SYNE2: variants seen among roughly 807,000 people sequenced by gnomAD.
SYNE2 encodes the protein spectrin repeat containing nuclear envelope protein 2, also known as nesprin-2.
In SYNE2, 431 loss-of-function variants were observed where a neutral mutation model predicts 856.3. The ratio of observed to expected loss-of-function variants is 0.50; its 90% CI spans 0.47 to 0.55. The LOEUF (loss-of-function observed/expected upper bound fraction) is 0.55. SYNE2 is among the 20% of genes least tolerant of loss of function. The probability of loss-of-function intolerance (pLI) is 0.00; values close to 1 mark genes in which losing one functional copy is unlikely to be tolerated. For synonymous variants in SYNE2, 2,923 were observed against 2,872.3 expected, an observed-to-expected ratio of 1.02 and a Z score of -0.56; for missense variants, 8,129 against 8,023.2, an observed-to-expected ratio of 1.01 and a Z score of -0.50.
intron 45 of SYNE2, among the ~76,000 whole-genome samples, chr14:64,043,403 C>G (rs111990654): frequency 6.6e-6 from 1 of 152,058 alleles, no homozygotes; most frequent in African/African-American, 2.4e-5. Flanking sequence ...AGTAACAAGC[C>G]GAATGTTAAT....
At position 64,216,236 on chromosome 14, in the gene SYNE2, CTTTCG is replaced by C. The variant is rs2098665911; in HGVS notation, c.19403-7_19403-3del. ...GAGAGAATAGACTGTCGCTTGCTGT[CTTTCG>C]TTTCAGGTAAATCCATTTCGGATGG... is the stretch of plus-strand genomic sequence containing the variant. On this transcript the variant is annotated splice_polypyrimidine_tract_variant and splice_region_variant and intron_variant, in intron 107 of 115. Transcript: ENST00000555002. The C allele has an allele frequency of 6.2e-7, 1 of 1,614,110 alleles. No homozygotes were observed. The highest frequency in any genetic ancestry group is 8.5e-7 in the Non-Finnish European group (1 of 1,180,040).
At chr14:63,918,778 C>T in intron 2 of SYNE2, among the ~76,000 whole-genome samples, 1 of 152,176 alleles carries the variant, frequency 6.6e-6, no homozygotes, top group East Asian at 1.9e-4. Flanking sequence ...TGCACAATTT[C>T]ATCAGTGGTG....
At chr14:63,960,369 T>C (rs1477997498) in intron 8 of SYNE2, among the ~76,000 whole-genome samples, 2 of 152,138 alleles carry the variant, frequency 1.3e-5, no homozygotes, top group Admixed American at 1.3e-4. Flanking sequence ...GCACGCATGG[T>C]GTGTTGTATT....
At chr14:63,805,545 G>T (rs1195990337) in intron 1 of SYNE2, among the ~76,000 whole-genome samples, 2 of 152,060 alleles carry the variant, frequency 1.3e-5, no homozygotes, top group East Asian at 1.9e-4. Context: ...CCGCCACCAC[G>T]CCCGGCTAAT....
At position 64,064,007 on chromosome 14, in the gene SYNE2, G is replaced by C. The variant is rs2097338211; in HGVS notation, c.10212+1112G>C. Among the ~76,000 whole-genome samples, 3 of 152,172 alleles carry C rather than the reference G, an allele frequency of 2.0e-5. No homozygotes were observed. In the South Asian group the frequency reaches 6.2e-4, roughly 32 times the overall value. On this transcript the variant is annotated intron_variant, in intron 50 of 115. Coordinates refer to ENST00000555002, the MANE Select transcript of SYNE2 (RefSeq NM_182914.3). ...AACAGAGAAATTATAACAATATGCT[G>C]TAATAAAAGTTGGGTGAATGTGGTC...
chr14:64,085,098 G>C (rs1366040598), intron 57 of SYNE2: 6 of 686,068 alleles, frequency 8.7e-6, no homozygotes, highest in Non-Finnish European at 1.6e-5. Flanking sequence ...TTAGAGACAG[G>C]GTCTTGCTCT....
intron 37 of SYNE2, among the ~76,000 whole-genome samples, chr14:64,022,462 G>A (rs769187588): frequency 6.6e-6 from 1 of 152,088 alleles, no homozygotes; most frequent in Non-Finnish European, 1.5e-5. Flanking sequence ...GCCGGGCGCG[G>A]TAGCTCACGC....
At chr14:64,125,818 C>CA (rs1567377358) in intron 71 of SYNE2, among the ~76,000 whole-genome samples, 35 of 152,146 alleles carry the variant, frequency 2.3e-4, no homozygotes, top group African/African-American at 8.2e-4. Context: ...TTCTCACAAT[C>CA]GGCTCATAAA....
intron 45 of SYNE2, among the ~76,000 whole-genome samples, chr14:64,036,199 T>TAAA (rs61627778): frequency 7.6e-5 from 11 of 143,934 alleles, no homozygotes; most frequent in Non-Finnish European, 1.4e-4. Flanking sequence ...CTTTTTTACT[T>TAAA]AAAAAAAAAA....
intron 59 of SYNE2, 22 bp from the exon 60 acceptor site, chr14:64,090,844 A>G (rs1422969300): frequency 2.5e-6 from 4 of 1,605,694 alleles, no homozygotes; most frequent in African/African-American, 1.3e-5. Context: ...TTTCTGTAAC[A>G]TGCTCCTCTT....
At chr14:64,069,510 CA>C (rs2097385978) in intron 51 of SYNE2, among the ~76,000 whole-genome samples, 1 of 152,160 alleles carries the variant, frequency 6.6e-6, no homozygotes, top group African/African-American at 2.4e-5. Context: ...CAGCTTATAC[CA>C]CAGCCCAACC....
chr14:63,786,247 CA>C (rs61324324), intron 1 of SYNE2, among the ~76,000 whole-genome samples: 29 of 142,074 alleles, frequency 2.0e-4, no homozygotes, highest in East Asian at 6.3e-4. Flanking sequence ...AAGACTGTCT[CA>C]AAAAAAAAAA....
Position 64,188,562 on chromosome 14 carries a change from A to C in SYNE2, c.17725A>C (p.Lys5909Gln). 2.5e-6 allele frequency: 4 copies of C among 1,614,252 alleles called. No individual in the cohort carries two copies. The highest frequency in any genetic ancestry group is 3.4e-6 in the Non-Finnish European group (4 of 1,180,052). ...EDLCLRVAIR[K>Q]QEIEDRLNTW... ...TTTTCATTTGCAGGTGGCCATACGT[A>C]AACAGGAGATTGAAGACAGACTCAA... is the stretch of plus-strand genomic sequence containing the variant. Residue 5909 changes from lysine (K) to glutamine (Q), a missense_variant, in exon 98 of 116, where the codon AAA becomes CAA. Lys to Gln is a moderately conservative substitution (Grantham distance 53). Around this residue, in one of 3 missense-constraint regions of SYNE2, gnomAD observed 5,410 missense variants for 5,284.8 expected, o/e 1.02. Coordinates refer to ENST00000555002, the MANE Select transcript of SYNE2 (RefSeq NM_182914.3).
chr14:63,994,536 G>C (rs896129227), intron 22 of SYNE2, among the ~76,000 whole-genome samples: 3 of 152,128 alleles, frequency 2.0e-5, no homozygotes, highest in Non-Finnish European at 4.4e-5. Flanking sequence ...AGATTCCTCT[G>C]TTATCAGCAT....
At chr14:63,867,717 TAAA>T (rs1895782460) in intron 1 of SYNE2, among the ~76,000 whole-genome samples, 1 of 122,406 alleles carries the variant, frequency 8.2e-6, no homozygotes, top group South Asian at 3.1e-4. Flanking sequence ...ATAAAAAGAA[TAAA>T]AAGAATGAAA....
intron 83 of SYNE2, 27 bp from the exon 84 acceptor site, chr14:64,146,041 T>A: frequency 6.7e-7 from 1 of 1,485,414 alleles, no homozygotes; most frequent in Non-Finnish European, 9.1e-7. Flanking sequence ...CATTTTAACA[T>A]TTTTTGTAAT....
intron 49 of SYNE2, among the ~76,000 whole-genome samples, chr14:64,060,382 G>T (rs376027616): frequency 1.3e-5 from 2 of 151,470 alleles, no homozygotes; most frequent in African/African-American, 4.9e-5. Context: ...GCCAGGGCTG[G>T]GTCCTTCCCT....
intron 21 of SYNE2, among the ~76,000 whole-genome samples, chr14:63,993,430 T>C (rs1207430137): frequency 6.6e-6 from 1 of 152,190 alleles, no homozygotes; most frequent in Non-Finnish European, 1.5e-5. Context: ...ACTCTTCATA[T>C]TATATTGCTT....
intron 19 of SYNE2, among the ~76,000 whole-genome samples, chr14:63,988,974 T>C (rs1052840888): frequency 3.9e-5 from 6 of 152,224 alleles, no homozygotes; most frequent in Admixed American, 2.0e-4. Flanking sequence ...TGAGTTGTAA[T>C]TAAAAAATTA....
Sources: allele counts gnomAD v4.1 joint callset (sites outside exome capture counted in the v4.1 genomes callset), GRCh38; gene constraint gnomAD v4.1.1; regional missense constraint gnomAD v4.1.1; transcripts MANE v1.5; gene names NCBI Gene and HGNC (gene_info 2026-07-23, HGNC 2026-07-21).